KHK: variants seen among roughly 807,000 people sequenced by gnomAD.
KHK encodes ketohexokinase.
A neutral mutation model predicts 36.0 loss-of-function variants in KHK; 37 were observed. The observed-to-expected ratio is 1.03, with a 90% CI of 0.79 to 1.35. The LOEUF is 1.35. Among genes scored for constraint, KHK ranks in the 40% most tolerant of loss-of-function variants. KHK has a pLI of 0.00. For synonymous variants in KHK, 161 were observed against 162.8 expected, an observed-to-expected ratio of 0.99 and a Z score of 0.08; for missense variants, 395 against 391.9, an observed-to-expected ratio of 1.01 and a Z score of -0.07.
At chr2:27,094,292 C>A in intron 2 of KHK, 1 of 713,394 alleles carries the variant, frequency 1.4e-6, no homozygotes, top group Non-Finnish European at 2.5e-6. Flanking sequence ...GAGCTCCAGG[C>A]TCTGCACTCC....
intron 2 of KHK, chr2:27,094,244 C>A: frequency 1.2e-5 from 7 of 591,130 alleles, no homozygotes; most frequent in Non-Finnish European, 1.8e-5. Context: ...ATGCTTCAGC[C>A]AAGACCTAAA....
chr2:27,090,890 C>T (rs999183200), intron 1 of KHK, among the ~76,000 whole-genome samples: 9 of 151,826 alleles, frequency 5.9e-5, no homozygotes, highest in Non-Finnish European at 1.0e-4. Flanking sequence ...GCCATCTCTA[C>T]GAAAAAATTT....
At chr2:27,097,926 C>A (rs746416402) in intron 5 of KHK, among the ~76,000 whole-genome samples, 6 of 152,280 alleles carry the variant, frequency 3.9e-5, no homozygotes, top group Middle Eastern at 3.4e-3. Flanking sequence ...TAAACAGCCA[C>A]AGGGCAAGCC....
intron 3 of KHK, among the ~76,000 whole-genome samples, chr2:27,096,112 G>A (rs1323806011): frequency 6.6e-6 from 1 of 152,242 alleles, no homozygotes; most frequent in Non-Finnish European, 1.5e-5. Context: ...CTCGGCTACA[G>A]AACGTGGAGC....
chr2:27,090,850 T>C (rs1558442245), intron 1 of KHK, among the ~76,000 whole-genome samples: 1 of 151,784 alleles, frequency 6.6e-6, no homozygotes, highest in Non-Finnish European at 1.5e-5. Flanking sequence ...GCCGAGGAGT[T>C]CGGGACCAGC....
chr2:27,100,102 G>C lies in KHK; in HGVS notation c.*352G>C, dbSNP rs940934075. 4 of 577,352 alleles carry C rather than the reference G, an allele frequency of 6.9e-6. No individual in the cohort carries two copies. The highest frequency in any genetic ancestry group is 3.0e-5 in the Admixed American group (1 of 33,066). 35.8% of individuals were successfully genotyped at this position (577,352 alleles called of 1,614,324 possible). A position where few individuals can be genotyped will look rare whatever the true frequency, so the allele number is the denominator to read the frequency against. On this transcript the variant is annotated 3_prime_UTR_variant, in exon 8 of 8. Transcript: ENST00000260598. Reference sequence around the variant, plus strand: ...CCCAGAGGAGGGGCTGCCTGGGCTAGAGCAGCGAGAAGTGCCCTGGGCTTG... The same window carrying C: ...CCCAGAGGAGGGGCTGCCTGGGCTACAGCAGCGAGAAGTGCCCTGGGCTTG...
intron 2 of KHK, among the ~76,000 whole-genome samples, chr2:27,093,183 C>A (rs1241898811): frequency 1.3e-5 from 2 of 152,170 alleles, no homozygotes; most frequent in Non-Finnish European, 2.9e-5. Context: ...CCCTTTGAAC[C>A]CTGGTTTGAA....
intron 1 of KHK, 80 bp from the exon 2 acceptor site, chr2:27,092,252 C>T: frequency 9.2e-7 from 1 of 1,090,960 alleles, no homozygotes; most frequent in Non-Finnish European, 1.4e-6. Flanking sequence ...CCAGCTGTTA[C>T]ATTCTGTAGG....
intron 1 of KHK, among the ~76,000 whole-genome samples, chr2:27,090,547 C>T (rs534702275): frequency 1.3e-5 from 2 of 149,534 alleles, no homozygotes; most frequent in East Asian, 2.0e-4. Flanking sequence ...CTCTGCCTCC[C>T]GGGTTCAAAA....
Position 27,094,832 on chromosome 2 carries a change from T to C in KHK, c.242T>C (p.Val81Ala), listed in dbSNP as rs747581100. The change falls in exon 3 of 8, where the codon GTG (valine) becomes GCG (alanine). Residue 81 changes from valine (V) to alanine (A), a missense_variant. Coordinates refer to ENST00000260598, the MANE Select transcript of KHK (RefSeq NM_006488.3). ...GTGGCCGACTTCAGGCGGCGGGGCG[T>C]GGACGTGTCTCAGGTGGCCTGGCAG... is the stretch of plus-strand genomic sequence containing the variant. ...FLVADFRRRG[V>A]DVSQVAWQSK... 2 of 1,613,912 alleles carry C rather than the reference T, an allele frequency of 1.2e-6. No individual in the cohort carries two copies. Among genetic ancestry groups the C allele is most frequent in the African/African-American group, 2.7e-5 (2 of 74,948 alleles).
chr2:27,098,148 T>G lies in KHK; in HGVS notation c.564+499T>G, dbSNP rs190782162. On this transcript the variant is annotated intron_variant, in intron 5 of 7. Transcript: ENST00000260598. ...AATTTGGGAAGTAATCCCAGCATCA[T>G]AGCAGAAGTTGGTTGGAGACCATCC... 2.0e-5 allele frequency among the ~76,000 whole-genome samples: 3 copies of G among 152,272 alleles called. 1 individual carries two copies. The East Asian group carries it at 5.8e-4, about 29-fold the overall frequency.
chr2:27,087,211 G>A lies in KHK; in HGVS notation c.-49G>A, dbSNP rs748124109. On this transcript the variant is annotated 5_prime_UTR_variant, in exon 1 of 8. Coordinates refer to ENST00000260598, the MANE Select transcript of KHK (RefSeq NM_006488.3). ...TCCTCCTGGATAAGAGGCAGAGGCC[G>A]GGAGGAACCCCGTCAGCCGGGCGGG... 3 of 1,488,282 alleles carry A rather than the reference G, an allele frequency of 2.0e-6. No homozygotes were observed. The highest frequency in any genetic ancestry group is 2.0e-5 in the Admixed American group (1 of 51,130). The allele number at this position is 1,488,282 out of a possible 1,614,324, so 92.2% of individuals were successfully genotyped here. A position where few individuals can be genotyped will look rare whatever the true frequency, so the allele number is the denominator to read the frequency against.
chr2:27,099,684 A>G lies in KHK; in HGVS notation c.831A>G (p.Ala277=). 1 of 1,614,154 alleles carries G rather than the reference A, an allele frequency of 6.2e-7. No homozygotes were observed. The highest frequency in any genetic ancestry group is 8.5e-7 in the Non-Finnish European group (1 of 1,180,020). ...CTCCAGGGAGGAGCGTGCAGGAAGC[A>G]CTGAGATTCGGGTGCCAGGTGGCCG... ...SLSQGRSVQE[A]LRFGCQVAGK... is the part of the protein sequence containing the mutation. Residue 277 remains alanine, a synonymous_variant, in exon 8 of 8, where the codon GCA becomes GCG. Transcript: ENST00000260598.
At chr2:27,096,975 A>T (rs1239545952) in intron 4 of KHK, among the ~76,000 whole-genome samples, 174 bp downstream of exon 4, 1 of 152,226 alleles carries the variant, frequency 6.6e-6, no homozygotes, top group Non-Finnish European at 1.5e-5. Context: ...AGGCCCAGAA[A>T]GATTAGATGA....
rs751466422 is a variant in KHK at position 27,099,504 on chromosome 2, G to C, written c.738G>C (p.Pro246=). ...DGKLLHSDAF[P]PPRVVDTLGA... Reference sequence around the variant, plus strand: ...AATTGCTCCACTCGGATGCTTTCCCGCCACCCCGCGTGGTGGATACACTGG... The same window carrying C: ...AATTGCTCCACTCGGATGCTTTCCCCCCACCCCGCGTGGTGGATACACTGG... Residue 246 remains proline, a synonymous_variant, in exon 7 of 8, where the codon CCG becomes CCC. Transcript: ENST00000260598. 1 of 1,613,998 alleles carries C rather than the reference G, an allele frequency of 6.2e-7. No individual in the cohort carries two copies. Among genetic ancestry groups the C allele is most frequent in the African/African-American group, 1.3e-5 (1 of 74,910 alleles).
At position 27,097,516 on chromosome 2, in the gene KHK, C is replaced by G. The variant is rs756258011; in HGVS notation, c.431C>G (p.Ser144Trp). The G allele has an allele frequency of 6.8e-6, 11 of 1,613,612 alleles. No homozygotes were observed. In the East Asian group the frequency reaches 2.5e-4, roughly 36 times the overall value. Residue 144 changes from serine to tryptophan, a missense_variant, in exon 5 of 8, where the codon TCG becomes TGG. Physicochemically the swap from Ser to Trp is radical, Grantham distance 177. Coordinates refer to ENST00000260598, the MANE Select transcript of KHK (RefSeq NM_006488.3). ...KWIHIEGRNA[S>W]EQVKMLQRID... ...GTCCTGTACCAGGGCCGGAACGCAT[C>G]GGAGCAGGTGAAGATGCTGCAGCGG...
At chr2:27,099,166 GACC>G in intron 5 of KHK, 27 bp from the exon 6 acceptor site, 1 of 1,607,586 alleles carries the variant, frequency 6.2e-7, no homozygotes, top group Non-Finnish European at 8.5e-7. Context: ...AGTTAGAAGT[GACC>G]ACCAGCTTCT....
rs1238638357 is a variant in KHK, at chr2:27,100,170, C to T, written c.*420C>T. ...GCTGGGGAGGACACTCGGTGCCCCA[C>T]ACCCAGTGAACCTGCCAAAGAAACC... On this transcript the variant is annotated 3_prime_UTR_variant, in exon 8 of 8. Coordinates refer to ENST00000260598, the MANE Select transcript of KHK (RefSeq NM_006488.3). The T allele has an allele frequency of 1.0e-5, 5 of 478,656 alleles. No homozygotes were observed. The highest frequency in any genetic ancestry group is 1.9e-5 in the Non-Finnish European group (5 of 261,342). The allele number at this position is 478,656 out of a possible 1,614,324, so 29.7% of individuals were successfully genotyped here.
rs1173075290 is a variant in KHK at position 27,096,736 on chromosome 2, C to T, written c.352C>T (p.Pro118Ser). The T allele has an allele frequency of 1.2e-6, 2 of 1,613,598 alleles. No individual in the cohort carries two copies. The highest frequency in any genetic ancestry group is 1.7e-6 in the Non-Finnish European group (2 of 1,179,692). ...TTCCATCCTGTGACCTAGGAGCCTG[C>T]CAGATGTGTCTGCTACAGACTTTGA... ...RTIVLHDTSL[P>S]DVSATDFEKV... is the part of the protein sequence containing the mutation. Residue 118 changes from proline (P) to serine (S), a missense_variant, in exon 4 of 8, where the codon CCA becomes TCA. By Grantham distance (74) the Pro-to-Ser change is moderately conservative. Coordinates refer to ENST00000260598, the MANE Select transcript of KHK (RefSeq NM_006488.3).
Sources: gnomAD v4.1 joint callset for allele counts (sites outside exome capture counted in the v4.1 genomes callset) on GRCh38, gnomAD v4.1.1 for gene constraint, MANE v1.5 for transcripts, NCBI Gene and HGNC (gene_info 2026-07-23, HGNC 2026-07-21) for gene names.